Variants in PSD3 observed in about 807,000 individuals in gnomAD.
PSD3 encodes PH and SEC7 domain-containing protein 3.
PSD3 carries 49 observed loss-of-function variants against 105.5 expected under a neutral mutation model. The ratio of observed to expected loss-of-function variants is 0.46; its 90% CI spans 0.37 to 0.59. The LOEUF is 0.59. Among genes scored for constraint, PSD3 ranks in the 20% least tolerant of loss-of-function variants. PSD3 has a pLI of 0.00. For missense variants in PSD3, 1,561 were observed against 1,263.8 expected (o/e 1.24, Z -3.57); for synonymous variants, 557 against 457.8 (o/e 1.22, Z -2.77).
At chr8:18,937,795 G>A (rs1822245560) in intron 1 of PSD3, among the ~76,000 whole-genome samples, 1 of 152,234 alleles carries the variant, frequency 6.6e-6, no homozygotes, top group African/African-American at 2.4e-5. Context: ...CCAAGGGGCT[G>A]CCACGTAAGG....
At chr8:18,657,762 T>C (rs764280973) in intron 9 of PSD3, among the ~76,000 whole-genome samples, 3 of 152,194 alleles carry the variant, frequency 2.0e-5, no homozygotes, top group Admixed American at 6.5e-5. Context: ...CAAGTAACAG[T>C]GGGCTGAGAA....
intron 9 of PSD3, among the ~76,000 whole-genome samples, chr8:18,712,343 G>A (rs776724085): frequency 1.3e-5 from 2 of 151,132 alleles, no homozygotes; most frequent in Non-Finnish European, 2.9e-5. Context: ...GAATCCCAGA[G>A]CTGGTTTTTT....
At chr8:18,800,871 A>G (rs1202232973) in intron 7 of PSD3, 1 of 155,328 alleles carries the variant, frequency 6.4e-6, no homozygotes, top group Non-Finnish European at 1.4e-5. Context: ...CAAATGTATA[A>G]GAAATAAGAA....
chr8:18,791,458 G>C (rs1484295331), intron 8 of PSD3, among the ~76,000 whole-genome samples: 2 of 152,092 alleles, frequency 1.3e-5, no homozygotes, highest in African/African-American at 2.4e-5. Context: ...CAGCAAACCT[G>C]ACAAAAACAA....
chr8:18,872,692 T>C lies in PSD3; in HGVS notation c.172A>G (p.Asn58Asp). The change falls in exon 3 of 16, where the codon AAT (asparagine) becomes GAT (aspartate). Residue 58 changes from asparagine to aspartate, a missense_variant. Asn to Asp is a conservative substitution (Grantham distance 23). Coordinates refer to ENST00000327040, the MANE Select transcript of PSD3 (RefSeq NM_015310.4). ...GSTLLPPNVT[N>D]EFPEYGTMEE... Reference sequence around the variant, plus strand: ...ATGGTCCCATATTCTGGAAATTCATTTGTGACATTTGGTGGGAGTAAAGTG... The same window carrying C: ...ATGGTCCCATATTCTGGAAATTCATCTGTGACATTTGGTGGGAGTAAAGTG... The C allele has an allele frequency of 5.0e-6, 8 of 1,586,790 alleles. No individual in the cohort carries two copies. The highest frequency in any genetic ancestry group is 6.8e-6 in the Non-Finnish European group (8 of 1,169,132).
chr8:18,790,687 T>C (rs1201366881), intron 8 of PSD3, among the ~76,000 whole-genome samples: 1 of 147,998 alleles, frequency 6.8e-6, no homozygotes, highest in African/African-American at 2.5e-5. Flanking sequence ...ACAGAAAGAG[T>C]ATTGGTGAAA....
intron 1 of PSD3, among the ~76,000 whole-genome samples, chr8:19,077,939 T>C (rs1377621107): frequency 6.6e-6 from 1 of 152,184 alleles, no homozygotes; most frequent in African/African-American, 2.4e-5. Flanking sequence ...ACATGCGGAA[T>C]CCATGATAGT....
At chr8:18,655,119 C>G (rs901680845) in intron 10 of PSD3, among the ~76,000 whole-genome samples, 1 of 151,332 alleles carries the variant, frequency 6.6e-6, no homozygotes, top group African/African-American at 2.4e-5. Context: ...GTCAGGAGAT[C>G]GAGACCATCC....
At chr8:18,817,643 C>G (rs904846638) in intron 4 of PSD3, among the ~76,000 whole-genome samples, 1 of 152,160 alleles carries the variant, frequency 6.6e-6, no homozygotes, top group Admixed American at 6.5e-5. Flanking sequence ...AGCAGTAATT[C>G]AAATGTTTTC....
rs1394843728 is a variant in PSD3 at position 18,841,357 on chromosome 8, G to C, written c.1634+26317C>G. Reference sequence around the variant, plus strand: ...GAGTGCTGGGGAGGCCCAGAGAGTGGAGCTCAGCAGCTCCCATTCAGGCTC... The same window carrying C: ...GAGTGCTGGGGAGGCCCAGAGAGTGCAGCTCAGCAGCTCCCATTCAGGCTC... On this transcript the variant is annotated intron_variant, in intron 4 of 15. Transcript: ENST00000327040. Among the ~76,000 whole-genome samples, 3 of 152,148 alleles carry C rather than the reference G, an allele frequency of 2.0e-5. No individual in the cohort carries two copies. The East Asian group carries it at 5.8e-4, about 29-fold the overall frequency.
chr8:18,839,255 C>A (rs1814410585), intron 4 of PSD3, among the ~76,000 whole-genome samples: 5 of 152,212 alleles, frequency 3.3e-5, no homozygotes, highest in African/African-American at 1.2e-4. Context: ...AGAGCATGGA[C>A]AGAAGAGACA....
intron 9 of PSD3, among the ~76,000 whole-genome samples, chr8:18,726,581 T>C (rs371696099): frequency 6.6e-6 from 1 of 152,238 alleles, no homozygotes; most frequent in African/African-American, 2.4e-5. Flanking sequence ...CTTTAATTCA[T>C]GCTCATGGCG....
chr8:18,759,744 A>G (rs1806355306), intron 9 of PSD3, among the ~76,000 whole-genome samples: 1 of 151,172 alleles, frequency 6.6e-6, no homozygotes, highest in African/African-American at 2.4e-5. Flanking sequence ...GGGACGGCCA[A>G]TAACTGACCT....
chr8:18,592,754 T>G (rs1250454090), intron 12 of PSD3, among the ~76,000 whole-genome samples: 1 of 151,908 alleles, frequency 6.6e-6, no homozygotes, highest in Non-Finnish European at 1.5e-5. Flanking sequence ...CCAGCAAAAC[T>G]ACCCTTTAAA....
intron 1 of PSD3, among the ~76,000 whole-genome samples, chr8:19,028,742 A>T (rs1827656536): frequency 6.6e-6 from 1 of 152,096 alleles, no homozygotes; most frequent in Non-Finnish European, 1.5e-5. Context: ...TTGTGTCCTG[A>T]GATATCTTTC....
Position 19,049,139 on chromosome 8 carries a change from G to T in PSD3, c.324+35067C>A, listed in dbSNP as rs183801326. Reference sequence around the variant, plus strand: ...TTTTACCTTAATTACCTCCTTAAAGGCCCTATCGCCAAATACAGTCACATT... The same window carrying T: ...TTTTACCTTAATTACCTCCTTAAAGTCCCTATCGCCAAATACAGTCACATT... On this transcript the variant is annotated intron_variant, in intron 1 of 1. Transcript: ENST00000521475. Among the ~76,000 whole-genome samples the T allele has an allele frequency of 2.0e-5, 3 of 152,060 alleles. No homozygotes were observed. The East Asian group carries it at 5.8e-4, about 30-fold the overall frequency.
At chr8:18,649,339 G>T (rs1808299422) in intron 10 of PSD3, among the ~76,000 whole-genome samples, 1 of 152,226 alleles carries the variant, frequency 6.6e-6, no homozygotes, top group South Asian at 2.1e-4. Context: ...GTCAAAGCAG[G>T]TTATTATTGG....
chr8:19,046,750 G>A (rs1828332779), intron 1 of PSD3, among the ~76,000 whole-genome samples: 2 of 152,176 alleles, frequency 1.3e-5, no homozygotes, highest in Admixed American at 6.5e-5. Flanking sequence ...TTTTGTTAAA[G>A]CTGACAAAAG....
chr8:18,792,805 A>C lies in PSD3; in HGVS notation c.2082+6490T>G, dbSNP rs371450078. ...GATCTGGAACTAGAAATACCATTTG[A>C]CCCAGCCATCCCATTACTGGGCATA... On this transcript the variant is annotated intron_variant, in intron 8 of 15. Transcript: ENST00000327040. Among the ~76,000 whole-genome samples, 117 of 152,288 alleles carry C rather than the reference A, an allele frequency of 7.7e-4. 2 individuals carry two copies. The highest frequency in any genetic ancestry group is 3.4e-3 in the Middle Eastern group (1 of 294).
Sources: gnomAD v4.1 joint callset for allele counts (sites outside exome capture counted in the v4.1 genomes callset) on GRCh38, gnomAD v4.1.1 for gene constraint, MANE v1.5 for transcripts, NCBI Gene and HGNC (gene_info 2026-07-23, HGNC 2026-07-21) for gene names.